Variants in FER1L6 observed in about 807,000 individuals in gnomAD.
FER1L6 encodes fer-1-like protein 6.
Under a neutral mutation model 219.2 loss-of-function variants are expected in FER1L6, and 177 were observed. That is an observed-to-expected ratio of 0.81 (90% CI 0.71 to 0.91). The LOEUF (loss-of-function observed/expected upper bound fraction) is 0.91, where lower values mean the gene tolerates loss of function less well. Among genes scored for constraint, FER1L6 ranks in the 40% least tolerant of loss-of-function variants. The pLI, the probability that FER1L6 is intolerant of heterozygous loss-of-function variation, is 0.00. For missense variants in FER1L6, 2,153 were observed against 2,259.9 expected, an observed-to-expected ratio of 0.95 and a Z score of 0.96; for synonymous variants, 768 against 824.3, an observed-to-expected ratio of 0.93 and a Z score of 1.17.
intron 28 of FER1L6, 142 bp downstream of exon 28, chr8:124,067,948 C>T (rs1278657112): frequency 4.4e-6 from 3 of 680,152 alleles, no homozygotes; most frequent in African/African-American, 1.8e-5. Context: ...AAGATGACAG[C>T]ACTTTAAAAT....
At chr8:124,101,939 C>T (rs1016289788) in intron 38 of FER1L6, among the ~76,000 whole-genome samples, 6 of 152,020 alleles carry the variant, frequency 3.9e-5, no homozygotes, top group Non-Finnish European at 5.9e-5. Flanking sequence ...GCTTCCAGTT[C>T]GTAGGCAGAT....
rs769594192 is a variant in FER1L6 at position 124,013,550 on chromosome 8, G to A, written c.1922+19G>A. The A allele has an allele frequency of 1.4e-5, 21 of 1,541,580 alleles. No homozygotes were observed. The highest frequency in any genetic ancestry group is 1.7e-4 in the Middle Eastern group (1 of 5,824). On this transcript the variant is annotated intron_variant, in intron 15 of 40. Coordinates refer to ENST00000522917, the MANE Select transcript of FER1L6 (RefSeq NM_001039112.2). ...GGAGCAGGTACCGGGAGAGACAGCC[G>A]GCATAGGCGGAGCTGAGCTTCTGTG... is the stretch of plus-strand genomic sequence containing the variant.
chr8:123,977,695 C>A, intron 10 of FER1L6, 86 bp downstream of exon 10: 2 of 1,221,704 alleles, frequency 1.6e-6, no homozygotes, highest in African/African-American at 1.5e-5. Flanking sequence ...GCTAGAGCAG[C>A]AGTCCCCAGC....
At chr8:124,009,286 TG>T (rs200724250) in intron 13 of FER1L6, among the ~76,000 whole-genome samples, 1 of 152,310 alleles carries the variant, frequency 6.6e-6, no homozygotes, top group East Asian at 1.9e-4. Context: ...ACTTTTTTTT[TG>T]AAAGGAAAAC....
chr8:124,086,628 A>T (rs1219255162), intron 33 of FER1L6, among the ~76,000 whole-genome samples: 1 of 152,164 alleles, frequency 6.6e-6, no homozygotes, highest in Non-Finnish European at 1.5e-5. Context: ...TAACTAATAT[A>T]CCACACTTAG....
chr8:124,113,685 T>C (rs1394065156), intron 39 of FER1L6, among the ~76,000 whole-genome samples: 1 of 152,232 alleles, frequency 6.6e-6, no homozygotes. Flanking sequence ...CATTTTCCCC[T>C]CATGTTGACT....
intron 13 of FER1L6, among the ~76,000 whole-genome samples, chr8:124,009,067 A>G (rs1817795002): frequency 6.6e-6 from 1 of 152,240 alleles, no homozygotes; most frequent in East Asian, 1.9e-4. Context: ...AAAAGGTAAC[A>G]CTTCTACACT....
At chr8:124,015,078 C>A (rs1563744683) in intron 15 of FER1L6, among the ~76,000 whole-genome samples, 1 of 152,208 alleles carries the variant, frequency 6.6e-6, no homozygotes, top group Non-Finnish European at 1.5e-5. Context: ...CTCTAAGCTG[C>A]CTCTCATGAC....
chr8:124,105,386 T>A (rs1213435148), intron 39 of FER1L6, among the ~76,000 whole-genome samples: 3 of 152,182 alleles, frequency 2.0e-5, no homozygotes, highest in Non-Finnish European at 4.4e-5. Context: ...AAGCTTGGAC[T>A]TCATTCTCAA....
chr8:123,933,326 C>T (rs1450213146), intron 1 of FER1L6, among the ~76,000 whole-genome samples: 1 of 152,146 alleles, frequency 6.6e-6, no homozygotes, highest in Non-Finnish European at 1.5e-5. Flanking sequence ...GAAGTCTGCT[C>T]CCCACCCACT....
At chr8:123,974,130 C>T (rs573255747) in intron 7 of FER1L6, among the ~76,000 whole-genome samples, 3 of 152,300 alleles carry the variant, frequency 2.0e-5, no homozygotes, top group Non-Finnish European at 4.4e-5. Flanking sequence ...AAAGAGCCAG[C>T]ACAGATCTTT....
intron 5 of FER1L6, 149 bp from the exon 6 acceptor site, chr8:123,969,886 A>AAAAAAAAAAAC (rs377727638): frequency 1.7e-6 from 1 of 575,890 alleles, no homozygotes; most frequent in African/African-American, 2.0e-5. Context: ...AAAAAAAAAA[A>AAAAAAAAAAAC]GAGAATTGAC....
chr8:124,005,016 G>T (rs941061051), intron 13 of FER1L6, among the ~76,000 whole-genome samples: 8 of 149,006 alleles, frequency 5.4e-5, no homozygotes, highest in Non-Finnish European at 1.0e-4. Flanking sequence ...AAAAAAAATC[G>T]TCAACTGTTC....
intron 6 of FER1L6, among the ~76,000 whole-genome samples, chr8:123,972,235 G>A (rs1270950228): frequency 6.6e-6 from 1 of 152,210 alleles, no homozygotes; most frequent in African/African-American, 2.4e-5. Context: ...AAATGAGGAG[G>A]GCTGTCATTT....
intron 1 of FER1L6, among the ~76,000 whole-genome samples, chr8:123,880,532 A>G (rs996181391): frequency 6.6e-6 from 1 of 152,152 alleles, no homozygotes; most frequent in African/African-American, 2.4e-5. Context: ...CCACCACCCA[A>G]TACCCACTGG....
chr8:123,972,608 C>T (rs1010073569), intron 6 of FER1L6, among the ~76,000 whole-genome samples: 13 of 152,280 alleles, frequency 8.5e-5, no homozygotes, highest in Admixed American at 7.2e-4. Flanking sequence ...CTGGGAAGTT[C>T]TGACAGTTAT....
chr8:124,095,864 T>C (rs1822263276), intron 35 of FER1L6, among the ~76,000 whole-genome samples: 1 of 152,212 alleles, frequency 6.6e-6, no homozygotes, highest in South Asian at 2.1e-4. Flanking sequence ...GAGAGCTCAA[T>C]TAATTTGCTC....
Position 124,076,078 on chromosome 8 carries a change from AATCAGACT to A in FER1L6, c.4093-116_4093-109del, listed in dbSNP as rs1292812637. ...AAAAGCCCAAAGCCCTGGCCCGTTA[AATCAGACT>A]ATCTAGAGACAGAAGTCAGGCATTA... On this transcript the variant is annotated intron_variant, in intron 31 of 40. Coordinates refer to ENST00000522917, the MANE Select transcript of FER1L6 (RefSeq NM_001039112.2). 8 of 1,307,260 alleles carry A rather than the reference AATCAGACT, an allele frequency of 6.1e-6. No homozygotes were observed. The Admixed American group carries it at 1.8e-4, about 29-fold the overall frequency. The allele number at this position is 1,307,260 out of a possible 1,614,324, so 81.0% of individuals were successfully genotyped here. A position where few individuals can be genotyped will look rare whatever the true frequency, so the allele number is the denominator to read the frequency against.
chr8:123,873,582 A>G (rs1360717396), intron 1 of FER1L6, among the ~76,000 whole-genome samples: 1 of 152,056 alleles, frequency 6.6e-6, no homozygotes, highest in Non-Finnish European at 1.5e-5. Context: ...AGTACTTGTC[A>G]TCAGATTAAA....
Sources: allele counts gnomAD v4.1 joint callset (sites outside exome capture counted in the v4.1 genomes callset), GRCh38; gene constraint gnomAD v4.1.1; transcripts MANE v1.5; gene names NCBI Gene and HGNC (gene_info 2026-07-23, HGNC 2026-07-21).